CACNA1C: variants seen among roughly 807,000 people sequenced by gnomAD.
CACNA1C encodes the protein voltage-dependent L-type calcium channel subunit alpha-1C.
A neutral mutation model predicts 229.0 loss-of-function variants in CACNA1C; 30 were observed. The observed-to-expected ratio is 0.13, with a 90% CI of 0.10 to 0.18. CACNA1C has a LOEUF of 0.18. Ranked by LOEUF, CACNA1C falls within the 10% of genes least tolerant of loss-of-function variation. CACNA1C has a pLI of 1.00. For missense variants in CACNA1C, 1,658 were observed against 2,845.0 expected (o/e 0.58, Z 9.49); for synonymous variants, 1,114 against 1,132.5 (o/e 0.98, Z 0.33).
chr12:2,604,404 G>C (rs929602256), intron 22 of CACNA1C, among the ~76,000 whole-genome samples: 17 of 152,100 alleles, frequency 1.1e-4, no homozygotes, highest in African/African-American at 4.1e-4. Flanking sequence ...GTGTGCTCTG[G>C]GTGGGTTTTA....
intron 3 of CACNA1C, among the ~76,000 whole-genome samples, chr12:2,139,269 C>T (rs1378106937): frequency 1.3e-5 from 2 of 151,026 alleles, no homozygotes; most frequent in Non-Finnish European, 3.0e-5. Context: ...ATGGCGCGCT[C>T]CCCTGGGTGT....
rs114656205 is a variant in CACNA1C at position 2,121,659 on chromosome 12, G to A, written c.477+1229G>A. On this transcript the variant is annotated intron_variant, in intron 3 of 46. Coordinates refer to ENST00000399655, the MANE Select transcript of CACNA1C (RefSeq NM_000719.7). ...CAGAGCATCGGCCGCCGTCCGTGAG[G>A]CCATCCGAAGCGTGACCTCATCTCT... Among the ~76,000 whole-genome samples the A allele has an allele frequency of 9.7e-3, 1,481 of 152,316 alleles. 27 individuals carry two copies. Among genetic ancestry groups the A allele is most frequent in the African/African-American group, 0.034 (1,430 of 41,574 alleles).
At chr12:2,308,345 A>G (rs2095213797) in intron 3 of CACNA1C, among the ~76,000 whole-genome samples, 1 of 152,188 alleles carries the variant, frequency 6.6e-6, no homozygotes, top group Admixed American at 6.5e-5. Context: ...ATTTTCTTAC[A>G]TTTAAATCTT....
intron 3 of CACNA1C, among the ~76,000 whole-genome samples, chr12:2,183,953 G>C (rs974224032): frequency 6.6e-6 from 1 of 152,250 alleles, no homozygotes; most frequent in Non-Finnish European, 1.5e-5. Context: ...CATCCACGTG[G>C]AAGAGGGAGA....
rs2095833919 is a variant in CACNA1C, at chr12:2,662,784, A to T, written c.4233-2041A>T. Among the ~76,000 whole-genome samples, 3 of 152,234 alleles carry T rather than the reference A, an allele frequency of 2.0e-5. No individual in the cohort carries two copies. The South Asian group carries it at 6.2e-4, about 31-fold the overall frequency. The stretch of plus-strand genomic sequence containing the variant: ...GACAACACAGTACTTCTGTACCAAG[A>T]TAAACAAATAAACCTGAGGAATGCA... On this transcript the variant is annotated intron_variant, in intron 34 of 46. Coordinates refer to ENST00000399655, the MANE Select transcript of CACNA1C (RefSeq NM_000719.7).
At chr12:2,167,616 G>T (rs765058455) in intron 3 of CACNA1C, among the ~76,000 whole-genome samples, 7 of 152,200 alleles carry the variant, frequency 4.6e-5, no homozygotes, top group Non-Finnish European at 1.0e-4. Flanking sequence ...CTTGGAATCT[G>T]CCCCATGCAT....
chr12:2,624,789 G>C (rs915036272), intron 29 of CACNA1C, among the ~76,000 whole-genome samples: 4 of 152,180 alleles, frequency 2.6e-5, no homozygotes, highest in Non-Finnish European at 4.4e-5. Context: ...GATGAAACCT[G>C]TTTATCCAAT....
At chr12:2,680,590 C>G in intron 42 of CACNA1C, 1 of 1,544,782 alleles carries the variant, frequency 6.5e-7, no homozygotes, top group African/African-American at 1.4e-5. Flanking sequence ...TTGACATGCT[C>G]GCCCTCCAGC....
At chr12:2,382,475 G>A (rs1460160509) in intron 3 of CACNA1C, among the ~76,000 whole-genome samples, 1 of 152,162 alleles carries the variant, frequency 6.6e-6, no homozygotes, top group African/African-American at 2.4e-5. Context: ...AGGACCTACA[G>A]CCATCATGAG....
intron 3 of CACNA1C, among the ~76,000 whole-genome samples, chr12:2,387,891 C>T (rs1486168514): frequency 6.6e-6 from 1 of 152,100 alleles, no homozygotes; most frequent in Non-Finnish European, 1.5e-5. Flanking sequence ...GCAGTGAAAC[C>T]CCACTGAGGC....
At chr12:2,525,131 G>A (rs1046315189) in intron 9 of CACNA1C, among the ~76,000 whole-genome samples, 1 of 152,166 alleles carries the variant, frequency 6.6e-6, no homozygotes, top group Non-Finnish European at 1.5e-5. Context: ...GCCTCGGAGT[G>A]GGACTCTATC....
chr12:2,368,880 G>A (rs2097783070), intron 3 of CACNA1C, among the ~76,000 whole-genome samples: 1 of 152,144 alleles, frequency 6.6e-6, no homozygotes, highest in Non-Finnish European at 1.5e-5. Context: ...TATGTCATGA[G>A]CACAGTGAGG....
intron 3 of CACNA1C, among the ~76,000 whole-genome samples, chr12:2,385,880 T>A (rs2098377139): frequency 6.6e-6 from 1 of 152,210 alleles, no homozygotes; most frequent in African/African-American, 2.4e-5. Context: ...GCCAGTGGTG[T>A]CCTACAGCTG....
At chr12:2,291,585 T>A (rs1010321552) in intron 3 of CACNA1C, among the ~76,000 whole-genome samples, 1 of 152,226 alleles carries the variant, frequency 6.6e-6, no homozygotes, top group Non-Finnish European at 1.5e-5. Flanking sequence ...TATAGTTTTA[T>A]TGAAACTCGT....
At position 2,536,207 on chromosome 12, in the gene CACNA1C, C is replaced by T. The variant is rs905763534; in HGVS notation, c.1391-13736C>T. ...GCAGAAAGCAGTGAAGCAGGAAAGA[C>T]GGGGCCCCAGAGAAGAGAGAAAATG... On this transcript the variant is annotated intron_variant, in intron 9 of 46. Coordinates refer to ENST00000399655, the MANE Select transcript of CACNA1C (RefSeq NM_000719.7). Among the ~76,000 whole-genome samples the T allele has an allele frequency of 3.3e-5, 5 of 152,202 alleles. No individual in the cohort carries two copies. The South Asian group carries it at 8.3e-4, about 25-fold the overall frequency.
rs1453342895 is a variant in CACNA1C, at chr12:2,688,458, G to T, written c.5796G>T (p.Val1932=). Residue 1932 remains valine (V), a synonymous_variant, in exon 46 of 47, where the codon GTG becomes GTT. Transcript: ENST00000399655. ...TTGTGTGTCCGCAGGCATTGGCAGTGGCAGGCCTGAGCCCCCTCCTCCAGA... is the reference window on the plus strand; with the variant it reads ...TTGTGTGTCCGCAGGCATTGGCAGTTGCAGGCCTGAGCCCCCTCCTCCAGA... ...LHLVHHQALA[V]AGLSPLLQRS... 6.2e-7 allele frequency: 1 copy of T among 1,613,672 alleles called. No homozygotes were observed.
At chr12:2,125,974 C>T (rs981367472) in intron 3 of CACNA1C, among the ~76,000 whole-genome samples, 11 of 152,268 alleles carry the variant, frequency 7.2e-5, no homozygotes, top group Non-Finnish European at 1.0e-4. Context: ...TGCAAATTCA[C>T]ATCTGTGCTT....
chr12:2,035,629 A>G (rs916346482), intron 1 of CACNA1C, among the ~76,000 whole-genome samples: 3 of 152,238 alleles, frequency 2.0e-5, no homozygotes, highest in Non-Finnish European at 4.4e-5. Context: ...TAGGGGACAC[A>G]GCCCAGATTC....
chr12:2,427,995 C>G (rs747790388), intron 3 of CACNA1C, among the ~76,000 whole-genome samples: 15 of 152,206 alleles, frequency 9.9e-5, no homozygotes, highest in Non-Finnish European at 1.9e-4. Flanking sequence ...CTTATCAGAT[C>G]AAACACTCGG....
Sources: allele counts gnomAD v4.1 joint callset (sites outside exome capture counted in the v4.1 genomes callset), GRCh38; gene constraint gnomAD v4.1.1; transcripts MANE v1.5; gene names NCBI Gene and HGNC (gene_info 2026-07-23, HGNC 2026-07-21).